The following CNTNAP2 variants were observed in gnomAD, a reference collection of about 807,000 sequenced individuals.
CNTNAP2 encodes the protein contactin-associated protein-like 2.
In CNTNAP2, 98 loss-of-function variants were observed where a neutral mutation model predicts 155.2. That is an observed-to-expected ratio of 0.63 (90% confidence interval 0.54 to 0.75). The LOEUF (loss-of-function observed/expected upper bound fraction) is 0.75. CNTNAP2 is among the 30% of genes least tolerant of loss of function. The probability of loss-of-function intolerance (pLI) is 0.00; values close to 1 mark genes in which losing one functional copy is unlikely to be tolerated. For missense variants in CNTNAP2, 1,727 were observed against 1,688.1 expected (o/e 1.02, Z -0.40); for synonymous variants, 651 against 631.2 (o/e 1.03, Z -0.47).
At chr7:146,661,744 T>A (rs1241568071) in intron 1 of CNTNAP2, among the ~76,000 whole-genome samples, 4 of 151,322 alleles carry the variant, frequency 2.6e-5, no homozygotes, top group African/African-American at 7.3e-5. Context: ...TTTTTTTTTT[T>A]AAATAAAGCT....
chr7:146,897,539 A>G (rs995849870), intron 3 of CNTNAP2, among the ~76,000 whole-genome samples: 1 of 152,000 alleles, frequency 6.6e-6, no homozygotes, highest in Non-Finnish European at 1.5e-5. Context: ...CAGCTTCCCT[A>G]CAGAAACTGG....
At chr7:147,268,686 T>C (rs1029254921) in intron 8 of CNTNAP2, among the ~76,000 whole-genome samples, 1 of 152,016 alleles carries the variant, frequency 6.6e-6, no homozygotes, top group Admixed American at 6.6e-5. Flanking sequence ...ATAATGGAGA[T>C]AGCATTAGGG....
intron 3 of CNTNAP2, among the ~76,000 whole-genome samples, chr7:146,864,223 A>G (rs542827426): frequency 6.6e-6 from 1 of 152,246 alleles, no homozygotes; most frequent in African/African-American, 2.4e-5. Flanking sequence ...TTAGAAAAGT[A>G]AATCCAATAA....
intron 8 of CNTNAP2, among the ~76,000 whole-genome samples, chr7:147,281,919 A>G (rs1805043500): frequency 6.6e-6 from 1 of 151,778 alleles, no homozygotes; most frequent in Admixed American, 6.6e-5. Flanking sequence ...GCTACTAGCT[A>G]CTGGAGTTTA....
intron 9 of CNTNAP2, among the ~76,000 whole-genome samples, chr7:147,305,598 C>T (rs1356355276): frequency 6.6e-6 from 1 of 152,090 alleles, no homozygotes; most frequent in Non-Finnish European, 1.5e-5. Flanking sequence ...AGCTCTTTTT[C>T]ATTGTTCTCC....
intron 1 of CNTNAP2, among the ~76,000 whole-genome samples, chr7:146,256,923 A>G (rs772680182): frequency 4.6e-5 from 7 of 152,212 alleles, no homozygotes; most frequent in Non-Finnish European, 1.0e-4. Flanking sequence ...TTAAGCTAGA[A>G]CAAGTAGAAT....
chr7:146,898,115 TG>T (rs1435993441), intron 3 of CNTNAP2, among the ~76,000 whole-genome samples: 3 of 152,022 alleles, frequency 2.0e-5, no homozygotes, highest in African/African-American at 7.2e-5. Flanking sequence ...GAAAAGATAA[TG>T]GAAAAATTGA....
At chr7:146,583,681 T>G (rs1798646150) in intron 1 of CNTNAP2, among the ~76,000 whole-genome samples, 1 of 152,224 alleles carries the variant, frequency 6.6e-6, no homozygotes, top group African/African-American at 2.4e-5. Context: ...TCTTGTTACA[T>G]TTTTATTTTT....
At chr7:146,352,286 G>T (rs1265727591) in intron 1 of CNTNAP2, among the ~76,000 whole-genome samples, 4 of 152,056 alleles carry the variant, frequency 2.6e-5, no homozygotes, top group Non-Finnish European at 5.9e-5. Flanking sequence ...ATAAAACAAT[G>T]TTTTTAATAC....
At chr7:148,076,735 G>A (rs556494273) in intron 15 of CNTNAP2, among the ~76,000 whole-genome samples, 1 of 151,930 alleles carries the variant, frequency 6.6e-6, no homozygotes, top group East Asian at 2.0e-4. Flanking sequence ...GAGCCACCGT[G>A]CCCGGCCGAT....
intron 13 of CNTNAP2, among the ~76,000 whole-genome samples, chr7:147,767,393 A>C (rs1797398757): frequency 6.6e-6 from 1 of 152,098 alleles, no homozygotes. Flanking sequence ...TTTCCGTAAT[A>C]CATATAATTT....
At chr7:146,129,179 A>G (rs2116732406) in intron 1 of CNTNAP2, among the ~76,000 whole-genome samples, 1 of 152,310 alleles carries the variant, frequency 6.6e-6, no homozygotes, top group South Asian at 2.1e-4. Context: ...GCATATAATC[A>G]CCCACGTATC....
intron 13 of CNTNAP2, among the ~76,000 whole-genome samples, chr7:147,692,041 A>G (rs564667736): frequency 4.3e-4 from 65 of 152,232 alleles, no homozygotes; most frequent in Non-Finnish European, 8.5e-4. Flanking sequence ...CCAGATTCTG[A>G]CAACTATTGA....
chr7:146,317,096 G>C (rs1255214289), intron 1 of CNTNAP2, among the ~76,000 whole-genome samples: 1 of 152,066 alleles, frequency 6.6e-6, no homozygotes, highest in Non-Finnish European at 1.5e-5. Context: ...TATTTTCTTA[G>C]TCCCTTTTTA....
At chr7:147,864,869 C>G (rs139250224) in intron 13 of CNTNAP2, among the ~76,000 whole-genome samples, 1,673 of 152,278 alleles carry the variant, frequency 0.011, 91 homozygotes, top group Admixed American at 0.09. Context: ...ATGTCATCTG[C>G]AAACAGGGAC....
Position 146,567,051 on chromosome 7 carries a change from T to C in CNTNAP2, c.98-207220T>C, listed in dbSNP as rs145739561. Among the ~76,000 whole-genome samples the C allele has an allele frequency of 7.6e-4, 115 of 152,308 alleles. 1 individual carries two copies. The highest frequency in any genetic ancestry group is 2.7e-3 in the African/African-American group (112 of 41,562). On this transcript the variant is annotated intron_variant, in intron 1 of 23. Transcript: ENST00000361727. Reference sequence around the variant, plus strand: ...CTTAGTTATTTCCTGGTTTAAGTGATGGGATGTAATCATACTGTATAGTTG... The same window carrying C: ...CTTAGTTATTTCCTGGTTTAAGTGACGGGATGTAATCATACTGTATAGTTG...
intron 1 of CNTNAP2, among the ~76,000 whole-genome samples, chr7:146,722,379 GT>G (rs1801353827): frequency 6.6e-6 from 1 of 152,110 alleles, no homozygotes; most frequent in Admixed American, 6.6e-5. Flanking sequence ...CAGGCAATTA[GT>G]AATTAATTGC....
intron 1 of CNTNAP2, among the ~76,000 whole-genome samples, chr7:146,500,310 C>T (rs987431127): frequency 3.9e-5 from 6 of 152,132 alleles, no homozygotes; most frequent in African/African-American, 1.4e-4. Context: ...AGGAAGAAGG[C>T]TTTAATCAGG....
intron 13 of CNTNAP2, among the ~76,000 whole-genome samples, chr7:147,737,969 G>A (rs1441884965): frequency 1.3e-5 from 2 of 152,188 alleles, no homozygotes; most frequent in African/African-American, 4.8e-5. Context: ...CACTTCCCGG[G>A]TGAGGCGATG....
Sources: allele counts gnomAD v4.1 joint callset (sites outside exome capture counted in the v4.1 genomes callset), GRCh38; gene constraint gnomAD v4.1.1; transcripts MANE v1.5; gene names NCBI Gene and HGNC (gene_info 2026-07-23, HGNC 2026-07-21).